CBL: variants seen among roughly 807,000 people sequenced by gnomAD.
CBL encodes the protein E3 ubiquitin-protein ligase CBL.
In CBL, 45 loss-of-function variants were observed where a neutral mutation model predicts 96.9. The observed-to-expected ratio is 0.46, with a 90% CI of 0.37 to 0.60. The LOEUF (loss-of-function observed/expected upper bound fraction) is 0.60, where lower values mean the gene tolerates loss of function less well. Ranked by LOEUF, CBL falls within the 20% of genes least tolerant of loss-of-function variation. The probability of loss-of-function intolerance (pLI) is 0.00; values close to 1 mark genes in which losing one functional copy is unlikely to be tolerated. For synonymous variants in CBL, 420 were observed against 426.8 expected (o/e 0.98, Z 0.20); for missense variants, 1,024 against 1,143.5 (o/e 0.90, Z 1.51).
At chr11:119,230,482 C>A (rs753632961) in intron 1 of CBL, among the ~76,000 whole-genome samples, 1 of 152,134 alleles carries the variant, frequency 6.6e-6, no homozygotes, top group Non-Finnish European at 1.5e-5. Flanking sequence ...ACGAGAATGT[C>A]AGGCTTATGC....
At chr11:119,267,626 C>T (rs1949813615) in intron 2 of CBL, among the ~76,000 whole-genome samples, 1 of 152,178 alleles carries the variant, frequency 6.6e-6, no homozygotes, top group Non-Finnish European at 1.5e-5. Context: ...TTCTTCCTCA[C>T]AGCACTTTTC....
At chr11:119,297,591 G>T in intron 14 of CBL, 110 bp downstream of exon 14, 1 of 802,474 alleles carries the variant, frequency 1.2e-6, no homozygotes. Flanking sequence ...TTCTGTAGCT[G>T]GGACTACAGG....
At chr11:119,252,990 G>C (rs903247559) in intron 2 of CBL, among the ~76,000 whole-genome samples, 31 of 151,928 alleles carry the variant, frequency 2.0e-4, no homozygotes, top group Non-Finnish European at 2.9e-4. Context: ...TGGTAGCATA[G>C]TTTCTTAGTC....
At chr11:119,281,900 G>A (rs984389932) in intron 9 of CBL, among the ~76,000 whole-genome samples, 1 of 152,072 alleles carries the variant, frequency 6.6e-6, no homozygotes, top group Non-Finnish European at 1.5e-5. Flanking sequence ...ATTGAGCTAG[G>A]TATGTAATAA....
intron 2 of CBL, among the ~76,000 whole-genome samples, chr11:119,239,299 G>A (rs906943548): frequency 6.6e-6 from 1 of 152,052 alleles, no homozygotes; most frequent in African/African-American, 2.4e-5. Flanking sequence ...ATGTATTTCA[G>A]TAATGTTTTG....
chr11:119,229,984 C>T (rs1949488801), intron 1 of CBL, among the ~76,000 whole-genome samples: 1 of 151,936 alleles, frequency 6.6e-6, no homozygotes, highest in Non-Finnish European at 1.5e-5. Flanking sequence ...TATCCAAGCA[C>T]GTTCATCACT....
intron 1 of CBL, among the ~76,000 whole-genome samples, chr11:119,227,882 A>G (rs1047301026): frequency 6.6e-6 from 1 of 152,072 alleles, no homozygotes; most frequent in Non-Finnish European, 1.5e-5. Flanking sequence ...ATTCATTTTT[A>G]TTGTTTTATT....
chr11:119,265,213 T>C (rs1949792569), intron 2 of CBL, among the ~76,000 whole-genome samples: 1 of 152,216 alleles, frequency 6.6e-6, no homozygotes, highest in African/African-American at 2.4e-5. Flanking sequence ...AAGTTTTGTT[T>C]CCTTCTCTTT....
At chr11:119,266,128 C>T (rs943338600) in intron 2 of CBL, among the ~76,000 whole-genome samples, 2 of 151,468 alleles carry the variant, frequency 1.3e-5, no homozygotes, top group Admixed American at 6.6e-5. Context: ...TCTGGGAGGT[C>T]GAGGCTGCAG....
At chr11:119,246,704 G>A (rs1309768583) in intron 2 of CBL, among the ~76,000 whole-genome samples, 2 of 152,142 alleles carry the variant, frequency 1.3e-5, no homozygotes, top group South Asian at 2.1e-4. Context: ...CACCCACTTC[G>A]GCCTCCCAAA....
Position 119,232,694 on chromosome 11 carries a change from AG to A in CBL, c.443+1del. The part of the protein sequence containing the change: ...ERMYEENSQP[R>X]RNLTKLSLIF... The stretch of plus-strand genomic sequence containing the variant: ...AATGTATGAGGAGAATTCTCAGCCT[AG>A]GTAATGGAGAAATACTACACAAATA... On this transcript the variant is annotated frameshift_variant and splice_region_variant, in exon 2 of 16. Coordinates refer to ENST00000264033, the MANE Select transcript of CBL (RefSeq NM_005188.4). LOFTEE classifies it high-confidence loss of function. The A allele has an allele frequency of 6.2e-7, 1 of 1,612,804 alleles. No individual in the cohort carries two copies. Among genetic ancestry groups the A allele is most frequent in the Non-Finnish European group, 8.5e-7 (1 of 1,179,754 alleles).
intron 12 of CBL, among the ~76,000 whole-genome samples, chr11:119,294,889 A>G (rs996132174): frequency 1.3e-5 from 2 of 151,896 alleles, no homozygotes; most frequent in Non-Finnish European, 2.9e-5. Flanking sequence ...GCAATTTGAT[A>G]CATGTTCATT....
chr11:119,291,336 G>C (rs1950025796), intron 12 of CBL, among the ~76,000 whole-genome samples: 1 of 152,226 alleles, frequency 6.6e-6, no homozygotes, highest in Admixed American at 6.5e-5. Flanking sequence ...TGTGAGCTGT[G>C]ATGGCACTAC....
intron 1 of CBL, among the ~76,000 whole-genome samples, chr11:119,208,422 C>G (rs1592365744): frequency 6.6e-6 from 1 of 150,776 alleles, no homozygotes; most frequent in South Asian, 2.1e-4. Context: ...GAGTTTTTCG[C>G]TCTTGTTACC....
At chr11:119,209,264 A>T (rs192329974) in intron 1 of CBL, among the ~76,000 whole-genome samples, 2 of 152,196 alleles carry the variant, frequency 1.3e-5, no homozygotes, top group Non-Finnish European at 2.9e-5. Context: ...TTCATGTGCT[A>T]TAAGTGGTGA....
chr11:119,233,861 G>T (rs558973849), intron 2 of CBL, among the ~76,000 whole-genome samples: 1 of 152,136 alleles, frequency 6.6e-6, no homozygotes, highest in African/African-American at 2.4e-5. Flanking sequence ...CTTTGGGCCT[G>T]TTGGCCTAGA....
At chr11:119,222,857 C>T (rs992174771) in intron 1 of CBL, among the ~76,000 whole-genome samples, 8 of 151,586 alleles carry the variant, frequency 5.3e-5, no homozygotes, top group African/African-American at 1.9e-4. Flanking sequence ...TTTTCCTTTC[C>T]AAAGAATATT....
chr11:119,287,318 A>C (rs1411153222), intron 11 of CBL, among the ~76,000 whole-genome samples: 3 of 152,228 alleles, frequency 2.0e-5, no homozygotes, highest in Non-Finnish European at 4.4e-5. Flanking sequence ...GTTGCATTTG[A>C]AATGAGCAGT....
chr11:119,299,214 A>G (rs1341873386), intron 15 of CBL, among the ~76,000 whole-genome samples: 1 of 152,224 alleles, frequency 6.6e-6, no homozygotes, highest in Non-Finnish European at 1.5e-5. Flanking sequence ...ACATGTGCAC[A>G]AACATGTTGC....
Sources: allele counts gnomAD v4.1 joint callset (sites outside exome capture counted in the v4.1 genomes callset), GRCh38; gene constraint gnomAD v4.1.1; transcripts MANE v1.5; gene names NCBI Gene and HGNC (gene_info 2026-07-23, HGNC 2026-07-21).